The following AHSG variants were observed in gnomAD, a reference collection of about 807,000 sequenced individuals.
AHSG encodes the protein alpha-2-HS-glycoprotein.
In AHSG, 23 loss-of-function variants were observed where a neutral mutation model predicts 30.1. That is an observed-to-expected ratio of 0.76 (90% CI 0.55 to 1.08). The LOEUF (loss-of-function observed/expected upper bound fraction) is 1.08, where lower values mean the gene tolerates loss of function less well. Ranked by LOEUF, AHSG falls within the 50% of genes least tolerant of loss-of-function variation. The pLI, the probability that AHSG is intolerant of heterozygous loss-of-function variation, is 0.00. For missense variants in AHSG, 469 were observed against 459.5 expected (o/e 1.02, Z -0.19); for synonymous variants, 164 against 186.3 (o/e 0.88, Z 0.98).
Position 186,621,000 on chromosome 3 carries a change from T to C in AHSG, c.*70T>C, listed in dbSNP as rs1384679842. 1.3e-6 allele frequency: 2 copies of C among 1,486,790 alleles called. No homozygotes were observed. Among genetic ancestry groups the C allele is most frequent in the Non-Finnish European group, 1.8e-6 (2 of 1,092,486 alleles). The allele number at this position is 1,486,790 out of a possible 1,614,324, so 92.1% of individuals were successfully genotyped here. A position where few individuals can be genotyped will look rare whatever the true frequency, so the allele number is the denominator to read the frequency against. ...CCACCATTTTGTCCAAGCCTGGGCA[T>C]GGGTGGGGGGCCTTGTCTGCTGGCC... On this transcript the variant is annotated 3_prime_UTR_variant, in exon 7 of 7. Coordinates refer to ENST00000411641, the MANE Select transcript of AHSG (RefSeq NM_001622.4).
In AHSG at chr3:186,613,332, A is replaced by G; in HGVS notation, c.191A>G (p.Asp64Gly). 1 of 1,613,874 alleles carries G rather than the reference A, an allele frequency of 6.2e-7. No homozygotes were observed. Among genetic ancestry groups the G allele is most frequent in the Non-Finnish European group, 8.5e-7 (1 of 1,179,836 alleles). ...WGYKHTLNQI[D>G]EVKVWPQQPS... ...TACAAACACACCTTGAACCAGATTG[A>G]TGAAGTAAAGGTGTGGCCTCAGGTA... The change falls in exon 1 of 7, where the codon GAT becomes GGT. Residue 64 changes from aspartate (D) to glycine (G), a missense_variant. By Grantham distance (94) the Asp-to-Gly change is moderately conservative (BLOSUM62 -1). Transcript: ENST00000411641.
At chr3:186,618,844 C>T (rs1716391083) in intron 5 of AHSG, among the ~76,000 whole-genome samples, 1 of 152,194 alleles carries the variant, frequency 6.6e-6, no homozygotes, top group Non-Finnish European at 1.5e-5. Context: ...ACTGGAAGCA[C>T]ATGAAGTTAG....
chr3:186,616,423 A>T lies in AHSG; in HGVS notation c.325-20A>T. ...GCGAAGGGGAAGGGCAGCCATCCTC[A>T]CGTGGGTTTCTTTCTCCAGGCTGTC... On this transcript the variant is annotated intron_variant, in intron 2 of 6. Coordinates refer to ENST00000411641, the MANE Select transcript of AHSG (RefSeq NM_001622.4). 6 of 1,609,018 alleles carry T rather than the reference A, an allele frequency of 3.7e-6. No individual in the cohort carries two copies. Among genetic ancestry groups the T allele is most frequent in the Non-Finnish European group, 5.1e-6 (6 of 1,176,934 alleles).
rs778658892 is a variant in AHSG at position 186,620,925 on chromosome 3, G to A, written c.1099G>A (p.Val367Ile). 2.5e-6 allele frequency: 4 copies of A among 1,610,774 alleles called. No homozygotes were observed. In the Admixed American group the frequency reaches 5.0e-5, roughly 20 times the overall value. ...TCCGGGGAGGATCAGACACTTCAAG[G>A]TCTAGGCTAGACATGGCAGAGATGA... ...PCPGRIRHFK[V>I] The change falls in exon 7 of 7, where the codon GTC (valine) becomes ATC (isoleucine). Residue 367 changes from valine (V) to isoleucine (I), a missense_variant. Physicochemically the swap from Val to Ile is conservative, Grantham distance 29. Transcript: ENST00000411641.
At position 186,620,853 on chromosome 3, in the gene AHSG, G is replaced by C. The variant is rs1247382828; in HGVS notation, c.1027G>C (p.Val343Leu). The change falls in exon 7 of 7, where the codon GTG becomes CTG. Residue 343 changes from valine (V) to leucine (L), a missense_variant. Coordinates refer to ENST00000411641, the MANE Select transcript of AHSG (RefSeq NM_001622.4). ...VSHPRKTRTV[V>L]QPSVGAAAGP... ...GCACCCCCGGAAAACACGCACAGTGGTGCAGCCTAGTGTTGGTGCTGCTGC... is the reference window on the plus strand; with the variant it reads ...GCACCCCCGGAAAACACGCACAGTGCTGCAGCCTAGTGTTGGTGCTGCTGC... The C allele has an allele frequency of 3.1e-6, 5 of 1,614,046 alleles. No homozygotes were observed. The highest frequency in any genetic ancestry group is 3.4e-6 in the Non-Finnish European group (4 of 1,180,052).
chr3:186,620,954 G>A lies in AHSG; in HGVS notation c.*24G>A. 6.3e-7 allele frequency: 1 copy of A among 1,591,998 alleles called. No individual in the cohort carries two copies. Among genetic ancestry groups the A allele is most frequent in the Non-Finnish European group, 8.6e-7 (1 of 1,162,860 alleles). ...AGGCTAGACATGGCAGAGATGAGGA[G>A]GTTTGGCACAGAAAACATAGCCACC... On this transcript the variant is annotated 3_prime_UTR_variant, in exon 7 of 7. Transcript: ENST00000411641.
chr3:186,613,456 G>C, intron 1 of AHSG, 102 bp downstream of exon 1: 1 of 1,094,610 alleles, frequency 9.1e-7, no homozygotes, highest in Non-Finnish European at 1.3e-6. Flanking sequence ...AACCACAGAG[G>C]AGTAAATTCT....
In AHSG at chr3:186,617,165, C is replaced by A. The variant is rs769598944; in HGVS notation, c.410-22C>A. 6.3e-6 allele frequency: 10 copies of A among 1,595,638 alleles called. No individual in the cohort carries two copies. The South Asian group carries it at 1.1e-4, about 18-fold the overall frequency. ...GCCAGGGAGAATGGCTGCCCACATC[C>A]TGGTTTCCTCTCTCCGAGCAGACTC... On this transcript the variant is annotated intron_variant, in intron 3 of 6. Transcript: ENST00000411641.
At chr3:186,615,282 C>A (rs1716262499) in intron 1 of AHSG, among the ~76,000 whole-genome samples, 1 of 152,218 alleles carries the variant, frequency 6.6e-6, no homozygotes, top group South Asian at 2.1e-4. Flanking sequence ...TGAGAAAAAT[C>A]CAAACTTGCA....
intron 4 of AHSG, chr3:186,617,561 C>A: frequency 1.2e-6 from 1 of 862,260 alleles, no homozygotes; most frequent in Non-Finnish European, 1.8e-6. Context: ...GCGCCTCCCC[C>A]ATGCTGAGCC....
intron 2 of AHSG, among the ~76,000 whole-genome samples, 167 bp from the exon 3 acceptor site, chr3:186,616,276 G>A (rs1716301601): frequency 6.6e-6 from 1 of 152,176 alleles, no homozygotes; most frequent in South Asian, 2.1e-4. Context: ...ATTTTTACAA[G>A]CGTTTAACTA....
At chr3:186,613,972 C>T (rs1716222559) in intron 1 of AHSG, among the ~76,000 whole-genome samples, 1 of 151,250 alleles carries the variant, frequency 6.6e-6, no homozygotes, top group Admixed American at 6.6e-5. Flanking sequence ...ACTAAGTCTT[C>T]AGGCTGGGAT....
intron 5 of AHSG, among the ~76,000 whole-genome samples, chr3:186,619,545 C>T (rs949416069): frequency 8.5e-5 from 13 of 152,050 alleles, no homozygotes; most frequent in Non-Finnish European, 7.4e-5. Flanking sequence ...CAGGATACAA[C>T]ATCGTATAGT....
chr3:186,617,185 A>C lies in AHSG; in HGVS notation c.410-2A>C, dbSNP rs145054587. 32 of 1,608,354 alleles carry C rather than the reference A, an allele frequency of 2.0e-5. No homozygotes were observed. In the African/African-American group the frequency reaches 2.0e-4, roughly 10 times the overall value. On this transcript the variant is annotated splice_acceptor_variant, in intron 3 of 6. Coordinates refer to ENST00000411641, the MANE Select transcript of AHSG (RefSeq NM_001622.4). LOFTEE classifies it high-confidence loss of function. ...ACATCCTGGTTTCCTCTCTCCGAGC[A>C]GACTCAGCCGAGGACGTGCGCAAGG...
rs1255441765 is a variant in AHSG, at chr3:186,617,347, TGTG to T, written c.573_573+2del. ...TGGAGGAAATTTCCCGGGCTCAGCT[TGTG>T]GTAAAGACTGAGATTCTTTTGACAG... is the stretch of plus-strand genomic sequence containing the variant. On this transcript the variant is annotated inframe_deletion and splice_region_variant, in exon 4 of 7. Coordinates refer to ENST00000411641, the MANE Select transcript of AHSG (RefSeq NM_001622.4). 2 of 1,614,180 alleles carry T rather than the reference TGTG, an allele frequency of 1.2e-6. No homozygotes were observed. The highest frequency in any genetic ancestry group is 1.7e-6 in the Non-Finnish European group (2 of 1,180,026).
At position 186,613,279 on chromosome 3, in the gene AHSG, CT is replaced by C; in HGVS notation, c.139del (p.Tyr47ThrfsTer14). 6.2e-7 allele frequency: 1 copy of C among 1,614,210 alleles called. No homozygotes were observed. The highest frequency in any genetic ancestry group is 8.5e-7 in the Non-Finnish European group (1 of 1,180,032). On this transcript the variant is annotated frameshift_variant, in exon 1 of 7. Coordinates refer to ENST00000411641, the MANE Select transcript of AHSG (RefSeq NM_001622.4). LOFTEE classifies it high-confidence loss of function. ...AGGAAGCAGCTCTGGTGGCTATAGA[CT>C]ACATCAATCAAAACCTTCCTTGGGG... is the stretch of plus-strand genomic sequence containing the variant. Reference protein sequence around the residue: ...TEEAALVAIDYINQNLPWGYK... With the variant: ...TEEAALVAIDXINQNLPWGYK...
chr3:186,617,205 G>T lies in AHSG; in HGVS notation c.428G>T (p.Arg143Leu), dbSNP rs770692906. Residue 143 changes from arginine (R) to leucine (L), a missense_variant, in exon 4 of 7, where the codon CGC (arginine) becomes CTC (leucine). Arg to Leu is a moderately radical substitution (Grantham distance 102). Coordinates refer to ENST00000411641, the MANE Select transcript of AHSG (RefSeq NM_001622.4). Reference protein sequence around the residue: ...DSSPDSAEDVRKVCQDCPLLA... With the variant: ...DSSPDSAEDVLKVCQDCPLLA... ...CGAGCAGACTCAGCCGAGGACGTGC[G>T]CAAGGTGTGCCAAGACTGCCCCCTG... The T allele has an allele frequency of 6.2e-7, 1 of 1,612,634 alleles. No homozygotes were observed.
In AHSG at chr3:186,617,287, C is replaced by T. The variant is rs78152999; in HGVS notation, c.510C>T (p.Ala170=). 3.8e-4 allele frequency: 608 copies of T among 1,614,226 alleles called. 6 individuals carry two copies. The African/African-American group carries it at 7.0e-3, about 19-fold the overall frequency. ...VVHAAKAALA[A]FNAQNNGSNF... ...ACGCCGCGAAAGCTGCCCTGGCCGC[C>T]TTCAACGCTCAGAACAACGGCTCCA... The change falls in exon 4 of 7, where the codon GCC becomes GCT. Residue 170 remains alanine, a synonymous_variant. Coordinates refer to ENST00000411641, the MANE Select transcript of AHSG (RefSeq NM_001622.4).
At chr3:186,613,641 A>G (rs1363837488) in intron 1 of AHSG, among the ~76,000 whole-genome samples, 1 of 152,200 alleles carries the variant, frequency 6.6e-6, no homozygotes, top group Non-Finnish European at 1.5e-5. Context: ...AACTTGCTGG[A>G]AAAACTAGGA....
Sources: gnomAD v4.1 joint callset for allele counts (sites outside exome capture counted in the v4.1 genomes callset) on GRCh38, gnomAD v4.1.1 for gene constraint, MANE v1.5 for transcripts, NCBI Gene and HGNC (gene_info 2026-07-23, HGNC 2026-07-21) for gene names.